PCDHGA8: variants seen among roughly 807,000 people sequenced by gnomAD.
PCDHGA8 encodes protocadherin gamma subfamily A, 8, also known as protocadherin gamma-A8.
In PCDHGA8, 45 loss-of-function variants were observed where a neutral mutation model predicts 59.2. The ratio of observed to expected loss-of-function variants is 0.76; its 90% CI spans 0.60 to 0.98. The LOEUF (loss-of-function observed/expected upper bound fraction) is 0.98, where lower values mean the gene tolerates loss of function less well. Ranked by LOEUF, PCDHGA8 falls within the 50% of genes least tolerant of loss-of-function variation. The pLI, the probability that PCDHGA8 is intolerant of heterozygous loss-of-function variation, is 0.00. For synonymous variants in PCDHGA8, 531 were observed against 519.0 expected, an observed-to-expected ratio of 1.02 and a Z score of -0.32; for missense variants, 1,257 against 1,196.2, an observed-to-expected ratio of 1.05 and a Z score of -0.75.
At position 141,511,575 on chromosome 5, in the gene PCDHGA8, T is replaced by C. The variant is rs930675653; in HGVS notation, c.*402T>C. On this transcript the variant is annotated 3_prime_UTR_variant, in exon 4 of 4. Transcript: ENST00000398604. ...AGTTCCTCTTTCCCGAGTAAGGTGG[T>C]TGGGGTGTTGAAGTACCAAGTAACC... 28 of 287,258 alleles carry C rather than the reference T, an allele frequency of 9.7e-5. No individual in the cohort carries two copies. Among genetic ancestry groups the C allele is most frequent in the Middle Eastern group, 1.3e-3 (1 of 784 alleles). The allele number at this position is 287,258 out of a possible 1,614,324, so 17.8% of individuals were successfully genotyped here.
rs2099693161 is a variant in PCDHGA8, at chr5:141,489,871, G to T, written c.2425-4936G>T. ...TGAAGCCCAGGCAAGACATCAGCTG[G>T]TGCTTACTGCTGTGGATGGGGGGAC... On this transcript the variant is annotated intron_variant, in intron 1 of 3. Coordinates refer to ENST00000398604, the MANE Select transcript of PCDHGA8 (RefSeq NM_032088.2). This position sits in a 1 kb window ranked among gnomAD's most constrained non-coding sequence, Gnocchi z 4.5. The T allele has an allele frequency of 6.2e-7, 1 of 1,614,088 alleles. No homozygotes were observed. Among genetic ancestry groups the T allele is most frequent in the Non-Finnish European group, 8.5e-7 (1 of 1,180,022 alleles).
chr5:141,491,542 G>T lies in PCDHGA8; in HGVS notation c.2425-3265G>T, dbSNP rs112433306. The T allele has an allele frequency of 6.2e-7, 1 of 1,613,898 alleles. No homozygotes were observed. Among genetic ancestry groups the T allele is most frequent in the Admixed American group, 1.7e-5 (1 of 60,006 alleles). On this transcript the variant is annotated intron_variant, in intron 1 of 3. Transcript: ENST00000398604. This position sits in a 1 kb window ranked among gnomAD's most constrained non-coding sequence, Gnocchi z 6.9. ...CATGGAGGTGACGCTGCGGCCCACA[G>T]ACTCGCAGAGCCACTGCTACAGGAC...
chr5:141,481,085 A>T (rs1200522212), intron 1 of PCDHGA8, among the ~76,000 whole-genome samples: 1 of 152,192 alleles, frequency 6.6e-6, no homozygotes, highest in African/African-American at 2.4e-5. Flanking sequence ...AAGAAAAAAG[A>T]AAAGCAGTAC....
chr5:141,432,400 G>A lies in PCDHGA8; in HGVS notation c.2424+37163G>A, dbSNP rs139153105. ...ACCCGCCCCTCAGCAGCAACGTGTC[G>A]TTGAGCCTGTTCGTGCTGGACCAGA... On this transcript the variant is annotated intron_variant, in intron 1 of 3. Transcript: ENST00000398604. The surrounding 1 kb of genome is among the most constrained non-coding windows in gnomAD (Gnocchi z 6.0). 5.6e-6 allele frequency: 9 copies of A among 1,614,122 alleles called. No homozygotes were observed. In the East Asian group the frequency reaches 6.7e-5, roughly 12 times the overall value.
At chr5:141,398,392 A>AGG in intron 1 of PCDHGA8, 1 of 1,456,392 alleles carries the variant, frequency 6.9e-7, no homozygotes, top group Non-Finnish European at 9.5e-7. Flanking sequence ...TGTGAGCAGC[A>AGG]GGCTAGACAG....
intron 1 of PCDHGA8, chr5:141,419,027 GTTCCAT>G: frequency 6.2e-7 from 1 of 1,613,870 alleles, no homozygotes; most frequent in Non-Finnish European, 8.5e-7. Context: ...AAGTAGAGGT[GTTCCAT>G]TTAAGATTCA....
Position 141,393,583 on chromosome 5 carries a change from C to A in PCDHGA8, c.770C>A (p.Pro257Gln). Residue 257 changes from proline (P) to glutamine (Q), a missense_variant, in exon 1 of 4, where the codon CCA (proline) becomes CAA (glutamine). Physicochemically the swap from Pro to Gln is moderately conservative, Grantham distance 76. Coordinates refer to ENST00000398604, the MANE Select transcript of PCDHGA8 (RefSeq NM_032088.2). ...YRVKVLENMPPGTRLLTVTAS... is the reference protein window; with the variant it reads ...YRVKVLENMPQGTRLLTVTAS... ...GTGAAAGTCCTTGAGAACATGCCCC[C>A]AGGCACGCGGCTGCTTACTGTAACA... 6.2e-7 allele frequency: 1 copy of A among 1,613,930 alleles called. No homozygotes were observed. The highest frequency in any genetic ancestry group is 8.5e-7 in the Non-Finnish European group (1 of 1,179,890).
At chr5:141,415,401 G>A (rs1408496357) in intron 1 of PCDHGA8, 9 of 1,614,088 alleles carry the variant, frequency 5.6e-6, no homozygotes, top group East Asian at 2.2e-5. Context: ...TGTCCGGCTC[G>A]CACTTTGTGG....
intron 2 of PCDHGA8, among the ~76,000 whole-genome samples, chr5:141,502,496 C>T (rs934563545): frequency 2.0e-5 from 3 of 152,178 alleles, no homozygotes; most frequent in Admixed American, 6.5e-5. Context: ...ACTCATCTAA[C>T]GTCGGCCTGT....
intron 1 of PCDHGA8, among the ~76,000 whole-genome samples, chr5:141,437,686 G>A (rs1025629140): frequency 2.6e-5 from 4 of 151,740 alleles, no homozygotes; most frequent in African/African-American, 9.7e-5. Flanking sequence ...AACTGATGAG[G>A]CTAAATCTCA....
rs764070772 is a variant in PCDHGA8, at chr5:141,476,415, C to T, written c.2425-18392C>T. ...CTGGATCGAGAGGAGCTGTGTGGGACACTGCCCTCTTGCACTGTAACTCTG... is the reference window on the plus strand; with the variant it reads ...CTGGATCGAGAGGAGCTGTGTGGGATACTGCCCTCTTGCACTGTAACTCTG... On this transcript the variant is annotated intron_variant, in intron 1 of 3. Transcript: ENST00000398604. This position sits in a 1 kb window ranked among gnomAD's most constrained non-coding sequence, Gnocchi z 7.6. 2.5e-6 allele frequency: 4 copies of T among 1,614,098 alleles called. No homozygotes were observed. The South Asian group carries it at 4.4e-5, about 18-fold the overall frequency.
intron 1 of PCDHGA8, among the ~76,000 whole-genome samples, chr5:141,434,692 A>G (rs891952554): frequency 8.5e-5 from 13 of 152,082 alleles, no homozygotes; most frequent in African/African-American, 2.4e-4. Flanking sequence ...CTTGCTGTTA[A>G]TAAATATGTG....
At chr5:141,478,117 C>T (rs1419172538) in intron 1 of PCDHGA8, 2 of 1,614,058 alleles carry the variant, frequency 1.2e-6, no homozygotes, top group East Asian at 4.5e-5. Flanking sequence ...TGTCAGTAAC[C>T]GAGGACTCTC....
At chr5:141,461,689 A>G (rs2099020485) in intron 1 of PCDHGA8, among the ~76,000 whole-genome samples, 1 of 152,120 alleles carries the variant, frequency 6.6e-6, no homozygotes, top group Admixed American at 6.6e-5. Context: ...GTTTATTTTG[A>G]GACAGAGTTT....
intron 1 of PCDHGA8, chr5:141,421,621 C>T (rs2154549322): frequency 6.2e-7 from 1 of 1,613,772 alleles, no homozygotes; most frequent in Non-Finnish European, 8.5e-7. Flanking sequence ...TGATAACGCC[C>T]CCAGCTTCCA....
At chr5:141,419,901 C>A (rs2096446114) in intron 1 of PCDHGA8, 5 of 1,614,108 alleles carry the variant, frequency 3.1e-6, no homozygotes, top group Non-Finnish European at 4.2e-6. Flanking sequence ...CATCCCACAC[C>A]CTCTGACTCC....
intron 2 of PCDHGA8, among the ~76,000 whole-genome samples, chr5:141,499,317 A>G (rs532848559): frequency 7.9e-5 from 12 of 152,354 alleles, no homozygotes; most frequent in Admixed American, 1.3e-4. Context: ...GAGAGACAGT[A>G]TCCCTGCTCT....
In PCDHGA8 at chr5:141,432,293, G is replaced by A; in HGVS notation, c.2424+37056G>A. On this transcript the variant is annotated intron_variant, in intron 1 of 3. Transcript: ENST00000398604. The surrounding 1 kb of genome is among the most constrained non-coding windows in gnomAD (Gnocchi z 6.0). ...CTACGTGTCCATCAACTCCGACACT[G>A]GGGTACTGTATGCGCTGAGCTCCTT... 1 of 1,614,254 alleles carries A rather than the reference G, an allele frequency of 6.2e-7. No homozygotes were observed. Among genetic ancestry groups the A allele is most frequent in the Non-Finnish European group, 8.5e-7 (1 of 1,180,040 alleles).
intron 1 of PCDHGA8, chr5:141,399,206 C>T (rs2093769623): frequency 1.2e-6 from 2 of 1,613,908 alleles, no homozygotes; most frequent in South Asian, 2.2e-5. Flanking sequence ...GTGCCTGGAA[C>T]ACTAATTGCT....
Sources: gnomAD v4.1 joint callset for allele counts (sites outside exome capture counted in the v4.1 genomes callset) on GRCh38, gnomAD v4.1.1 for gene constraint, Gnocchi (gnomAD v3.1) non-coding constraint, MANE v1.5 for transcripts, NCBI Gene and HGNC (gene_info 2026-07-23, HGNC 2026-07-21) for gene names.